SMAD9: variants seen among roughly 807,000 people sequenced by gnomAD.
SMAD9 encodes the protein SMAD family member 9.
A neutral mutation model predicts 46.1 loss-of-function variants in SMAD9; 36 were observed. The ratio of observed to expected loss-of-function variants is 0.78; its 90% CI spans 0.60 to 1.03. The LOEUF is 1.03. Among genes scored for constraint, SMAD9 ranks in the 50% least tolerant of loss-of-function variants. SMAD9 has a pLI of 0.00. For synonymous variants in SMAD9, 245 were observed against 237.1 expected (o/e 1.03, Z -0.31); for missense variants, 572 against 599.8 (o/e 0.95, Z 0.48).
chr13:36,914,641 T>C (rs1043596151), intron 1 of SMAD9, among the ~76,000 whole-genome samples: 1 of 152,242 alleles, frequency 6.6e-6, no homozygotes, highest in African/African-American at 2.4e-5. Context: ...GATGAATTCA[T>C]GAACTTATGA....
Position 36,872,725 on chromosome 13 carries a change from C to CG in SMAD9, c.602dup (p.Cys202ValfsTer14). The CG allele has an allele frequency of 6.2e-7, 1 of 1,613,882 alleles. No individual in the cohort carries two copies. The highest frequency in any genetic ancestry group is 1.1e-5 in the South Asian group (1 of 91,058). On this transcript the variant is annotated frameshift_variant, in exon 3 of 7. Coordinates refer to ENST00000379826, the MANE Select transcript of SMAD9 (RefSeq NM_001127217.3). LOFTEE classifies it high-confidence loss of function. ...GGGAGTGAGGGTAGCTGGCCGTGCACGGGGACTGGGAGAACGCGTGGCTGG... is the reference window on the plus strand; with the variant it reads ...GGGAGTGAGGGTAGCTGGCCGTGCACGGGGGACTGGGAGAACGCGTGGCTGG...
chr13:36,901,408 G>A (rs567270406), intron 1 of SMAD9, among the ~76,000 whole-genome samples: 2 of 149,884 alleles, frequency 1.3e-5, no homozygotes, highest in South Asian at 2.1e-4. Context: ...CTGTGGGTTT[G>A]GCTTCTTTTT....
At chr13:36,855,505 G>A (rs2058115898) in intron 5 of SMAD9, among the ~76,000 whole-genome samples, 1 of 152,128 alleles carries the variant, frequency 6.6e-6, no homozygotes, top group Admixed American at 6.5e-5. Context: ...AGAAGTCAAT[G>A]TGATTATACA....
chr13:36,871,785 C>T (rs779397028), intron 3 of SMAD9, among the ~76,000 whole-genome samples: 1 of 152,154 alleles, frequency 6.6e-6, no homozygotes, highest in African/African-American at 2.4e-5. Flanking sequence ...CTTCCCACAT[C>T]GTAGGGACAA....
intron 1 of SMAD9, among the ~76,000 whole-genome samples, chr13:36,885,336 A>G (rs1204173587): frequency 6.6e-6 from 1 of 152,164 alleles, no homozygotes; most frequent in African/African-American, 2.4e-5. Flanking sequence ...TGGCACACAT[A>G]TATCATGTCT....
chr13:36,879,408 G>C lies in SMAD9; in HGVS notation c.282C>G (p.Arg94=), dbSNP rs779255458. 1 of 1,614,002 alleles carries C rather than the reference G, an allele frequency of 6.2e-7. No individual in the cohort carries two copies. The highest frequency in any genetic ancestry group is 2.2e-5 in the East Asian group (1 of 44,882). The change falls in exon 2 of 7, where the codon CGC becomes CGG. Residue 94 remains arginine (R), a synonymous_variant. Coordinates refer to ENST00000379826, the MANE Select transcript of SMAD9 (RefSeq NM_001127217.3). ...ACTGCAGATCCGGCCAGCGCCACAC[G>C]CGACAGTAAATCACATGGGGCAGGC... ...RKGLPHVIYC[R]VWRWPDLQSH...
chr13:36,878,474 G>GT (rs1245580287), intron 2 of SMAD9, among the ~76,000 whole-genome samples: 2 of 152,188 alleles, frequency 1.3e-5, no homozygotes, highest in Admixed American at 6.5e-5. Context: ...CATGGTTTGT[G>GT]TAAGTACACT....
At position 36,896,727 on chromosome 13, in the gene SMAD9, T is replaced by C. The variant is rs560728357; in HGVS notation, c.-186-16852A>G. Among the ~76,000 whole-genome samples the C allele has an allele frequency of 1.2e-4, 18 of 151,734 alleles. 1 individual carries two copies. In the East Asian group the frequency reaches 1.9e-3, roughly 16 times the overall value. On this transcript the variant is annotated intron_variant, in intron 1 of 6. Coordinates refer to ENST00000379826, the MANE Select transcript of SMAD9 (RefSeq NM_001127217.3). Reference sequence around the variant, plus strand: ...AGGCGGCTCAAATAACCACTGTTTATCCACCCAGAGAAACCAATCACTACC... The same window carrying C: ...AGGCGGCTCAAATAACCACTGTTTACCCACCCAGAGAAACCAATCACTACC...
At chr13:36,905,162 A>G (rs1404021097) in intron 1 of SMAD9, among the ~76,000 whole-genome samples, 1 of 152,134 alleles carries the variant, frequency 6.6e-6, no homozygotes, top group Non-Finnish European at 1.5e-5. Context: ...ACTGTTAAAC[A>G]TCCTACAAGT....
chr13:36,861,884 G>A (rs1353849135), intron 5 of SMAD9, among the ~76,000 whole-genome samples: 4 of 150,224 alleles, frequency 2.7e-5, no homozygotes, highest in Admixed American at 6.6e-5. Context: ...AGCTGAGATC[G>A]TTTCATTGTA....
chr13:36,865,748 T>C lies in SMAD9; in HGVS notation c.792A>G (p.Pro264=). ...VLSIPNGDFR[P]VCYEEPQHWC... Reference sequence around the variant, plus strand: ...AGTGCTGGGGCTCCTCGTAACAAACTGGTCGAAAGTCTGGAAGAAAACAAA... The same window carrying C: ...AGTGCTGGGGCTCCTCGTAACAAACCGGTCGAAAGTCTGGAAGAAAACAAA... The change falls in exon 5 of 7, where the codon CCA becomes CCG. Residue 264 remains proline (P), a synonymous_variant. Transcript: ENST00000379826. 2 of 1,613,950 alleles carry C rather than the reference T, an allele frequency of 1.2e-6. No individual in the cohort carries two copies. The highest frequency in any genetic ancestry group is 1.7e-6 in the Non-Finnish European group (2 of 1,179,906).
chr13:36,867,181 T>C, intron 4 of SMAD9, 92 bp downstream of exon 4: 2 of 845,626 alleles, frequency 2.4e-6, no homozygotes. Flanking sequence ...GGCCAGTACA[T>C]TTCTGGTTTT....
At chr13:36,919,676 C>G (rs979022886) in intron 1 of SMAD9, among the ~76,000 whole-genome samples, 2 of 151,718 alleles carry the variant, frequency 1.3e-5, no homozygotes, top group Non-Finnish European at 2.9e-5. Context: ...GCCCCGGGCC[C>G]CAGCCCCGAC....
intron 2 of SMAD9, among the ~76,000 whole-genome samples, chr13:36,878,175 T>C (rs922907864): frequency 3.3e-5 from 5 of 150,210 alleles, no homozygotes; most frequent in East Asian, 1.9e-4. Flanking sequence ...ATAATATACA[T>C]ACACACACAC....
In SMAD9 at chr13:36,853,634, A is replaced by G; in HGVS notation, c.1045T>C (p.Cys349Arg). The G allele has an allele frequency of 1.2e-6, 2 of 1,614,024 alleles. No individual in the cohort carries two copies. The highest frequency in any genetic ancestry group is 1.7e-6 in the Non-Finnish European group (2 of 1,179,992). Residue 349 changes from cysteine (C) to arginine (R), a missense_variant, in exon 6 of 7, where the codon TGC becomes CGC. Cys to Arg is a radical substitution (Grantham distance 180). Coordinates refer to ENST00000379826, the MANE Select transcript of SMAD9 (RefSeq NM_001127217.3). ...ACAAAGATGCTGCTGTCACTCACGCACTCGGCATACACCTCTCCCCCGACG... is the reference window on the plus strand; with the variant it reads ...ACAAAGATGCTGCTGTCACTCACGCGCTCGGCATACACCTCTCCCCCGACG... ...YYVGGEVYAE[C>R]VSDSSIFVQS...
intron 1 of SMAD9, among the ~76,000 whole-genome samples, chr13:36,887,522 C>T (rs1315644499): frequency 1.3e-5 from 2 of 151,996 alleles, no homozygotes; most frequent in South Asian, 2.1e-4. Context: ...TGCGCCTGGC[C>T]GACTTGATCA....
chr13:36,920,187 A>G lies in SMAD9; in HGVS notation c.-258T>C, dbSNP rs575906743. ...CGGGGACCGAGACAGCGGCTGCAGC[A>G]GCGGCGGCGGCGGCGGCGGCGGCGG... is the stretch of plus-strand genomic sequence containing the variant. On this transcript the variant is annotated 5_prime_UTR_variant, in exon 1 of 7. Coordinates refer to ENST00000379826, the MANE Select transcript of SMAD9 (RefSeq NM_001127217.3). 1,843 of 145,258 alleles carry G rather than the reference A, an allele frequency of 0.013. 169 individuals are homozygous for G. Among genetic ancestry groups the G allele is most frequent in the Admixed American group, 0.059 (821 of 14,004 alleles). The allele number at this position is 145,258 out of a possible 1,614,324, so 9.0% of individuals were successfully genotyped here. A position where few individuals can be genotyped will look rare whatever the true frequency, so the allele number is the denominator to read the frequency against.
rs2058383305 is a variant in SMAD9, at chr13:36,879,567, TAG to T, written c.121_122del (p.Leu41SerfsTer73). ...CCTTCTTCTTCTTTAACTTCTTCAC[TAG>T]AGAGTCCACTGCCTTCTCTGCCCAC... ...EKWAEKAVDS[L>X]VKKLKKKKGA... On this transcript the variant is annotated frameshift_variant, in exon 2 of 7. Coordinates refer to ENST00000379826, the MANE Select transcript of SMAD9 (RefSeq NM_001127217.3). LOFTEE classifies it high-confidence loss of function. The T allele has an allele frequency of 2.5e-6, 4 of 1,614,198 alleles. No individual in the cohort carries two copies. The highest frequency in any genetic ancestry group is 3.4e-6 in the Non-Finnish European group (4 of 1,180,012).
rs963737994 is a variant in SMAD9, at chr13:36,901,440, T to G, written c.-187+18676A>C. On this transcript the variant is annotated intron_variant, in intron 1 of 6. Coordinates refer to ENST00000379826, the MANE Select transcript of SMAD9 (RefSeq NM_001127217.3). ...TTTTTGTTTTTTGGGCCTTTTTTTT[T>G]TTTTTGAGACAGAGTCTTGCTCTGT... Among the ~76,000 whole-genome samples, 77 of 151,326 alleles carry G rather than the reference T, an allele frequency of 5.1e-4. 1 individual carries two copies. The highest frequency in any genetic ancestry group is 1.7e-3 in the African/African-American group (70 of 41,362).
Sources: allele counts gnomAD v4.1 joint callset (sites outside exome capture counted in the v4.1 genomes callset), GRCh38; gene constraint gnomAD v4.1.1; transcripts MANE v1.5; gene names NCBI Gene and HGNC (gene_info 2026-07-23, HGNC 2026-07-21).